Variants in USP25 observed in about 807,000 individuals in gnomAD.
USP25 encodes the protein ubiquitin specific peptidase 25.
Under a neutral mutation model 158.5 loss-of-function variants are expected in USP25, and 85 were observed. The ratio of observed to expected loss-of-function variants is 0.54; its 90% CI spans 0.45 to 0.64. The LOEUF (loss-of-function observed/expected upper bound fraction) is 0.64, where lower values mean the gene tolerates loss of function less well. USP25 is among the 30% of genes least tolerant of loss of function. USP25 has a pLI of 0.00. For synonymous variants in USP25, 464 were observed against 460.4 expected (o/e 1.01, Z -0.10); for missense variants, 1,242 against 1,327.3 (o/e 0.94, Z 1.00).
At chr21:15,730,880 C>T (rs8134327) in intron 1 of USP25, among the ~76,000 whole-genome samples, 35,279 of 151,790 alleles carry the variant, frequency 0.23, 5,563 homozygotes, top group African/African-American at 0.45. Context: ...TTACCTGCCT[C>T]GCGGGGCAGG....
chr21:15,857,205 T>A (rs1025472844), intron 20 of USP25, among the ~76,000 whole-genome samples: 3 of 152,224 alleles, frequency 2.0e-5, no homozygotes, highest in African/African-American at 7.2e-5. Flanking sequence ...GTGGAACTCT[T>A]CAGGCAGTGT....
intron 5 of USP25, among the ~76,000 whole-genome samples, chr21:15,794,032 A>G (rs1315222709): frequency 6.6e-6 from 1 of 151,566 alleles, no homozygotes; most frequent in Non-Finnish European, 1.5e-5. Context: ...ACTTACTCAA[A>G]TTGTGATGTA....
At chr21:15,848,575 T>G (rs779037271) in intron 19 of USP25, among the ~76,000 whole-genome samples, 1 of 152,072 alleles carries the variant, frequency 6.6e-6, no homozygotes, top group Non-Finnish European at 1.5e-5. Context: ...GAAAAATGCT[T>G]GTTGGATTCT....
chr21:15,809,220 A>T (rs900183153), intron 8 of USP25, among the ~76,000 whole-genome samples: 2 of 152,194 alleles, frequency 1.3e-5, no homozygotes, highest in Non-Finnish European at 2.9e-5. Flanking sequence ...GAAGACAGGG[A>T]TATGAAGTAG....
intron 1 of USP25, among the ~76,000 whole-genome samples, chr21:15,747,695 G>A (rs2032672800): frequency 6.6e-6 from 1 of 152,166 alleles, no homozygotes; most frequent in South Asian, 2.1e-4. Flanking sequence ...GTGTGGATAT[G>A]TTGGACAAAG....
Position 15,757,806 on chromosome 21 carries a change from G to A in USP25, c.46-5085G>A, listed in dbSNP as rs181517857. On this transcript the variant is annotated intron_variant, in intron 1 of 25. Transcript: ENST00000400183. Reference sequence around the variant, plus strand: ...CATGACAAAAGGAAATACATCATGTGTGAGGAAGTAAAAGTGGCAAAGAGT... The same window carrying A: ...CATGACAAAAGGAAATACATCATGTATGAGGAAGTAAAAGTGGCAAAGAGT... Among the ~76,000 whole-genome samples the A allele has an allele frequency of 5.3e-5, 8 of 152,338 alleles. No homozygotes were observed. In the East Asian group the frequency reaches 1.5e-3, roughly 29 times the overall value.
At chr21:15,793,837 G>A (rs1417192704) in intron 5 of USP25, among the ~76,000 whole-genome samples, 1 of 151,554 alleles carries the variant, frequency 6.6e-6, no homozygotes, top group Non-Finnish European at 1.5e-5. Context: ...ATTTTAAGTA[G>A]CTTTTAACTT....
intron 5 of USP25, among the ~76,000 whole-genome samples, chr21:15,793,021 G>A (rs945670720): frequency 4.6e-5 from 7 of 151,364 alleles, no homozygotes; most frequent in Admixed American, 1.3e-4. Context: ...CTTTACTTGC[G>A]CTATCTATTA....
rs1342082076 is a variant in USP25, at chr21:15,826,935, A to G, written c.1467-42A>G. ...TGGCACGATCTTTGTCAAGAGTTTC[A>G]GCTTGAAAGGTTAATAAGAAATACT... On this transcript the variant is annotated intron_variant, in intron 13 of 25. Coordinates refer to ENST00000400183, the MANE Select transcript of USP25 (RefSeq NM_001283041.3). This position sits in a 1 kb window ranked among gnomAD's most constrained non-coding sequence, Gnocchi z 4.8. The G allele has an allele frequency of 1.9e-6, 3 of 1,595,156 alleles. No homozygotes were observed. The highest frequency in any genetic ancestry group is 2.7e-5 in the African/African-American group (2 of 74,644).
chr21:15,812,334 A>C (rs942384128), intron 9 of USP25, among the ~76,000 whole-genome samples: 2 of 152,086 alleles, frequency 1.3e-5, no homozygotes, highest in African/African-American at 4.8e-5. Context: ...ATTGATTCCT[A>C]AAATTGATTG....
At chr21:15,868,170 C>T (rs1234532999) in intron 22 of USP25, among the ~76,000 whole-genome samples, 1 of 152,126 alleles carries the variant, frequency 6.6e-6, no homozygotes, top group Non-Finnish European at 1.5e-5. Flanking sequence ...GTGAAAGACT[C>T]CTGTGTAAAG....
chr21:15,808,792 C>G lies in USP25; in HGVS notation c.781-17C>G. The G allele has an allele frequency of 1.9e-6, 3 of 1,576,654 alleles. No homozygotes were observed. Among genetic ancestry groups the G allele is most frequent in the Non-Finnish European group, 2.6e-6 (3 of 1,166,528 alleles). Reference sequence around the variant, plus strand: ...TTTAGTAGGCTCAAATATCAACAGGCTTTTTTCTTTTCACAGCAAGATGTG... The same window carrying G: ...TTTAGTAGGCTCAAATATCAACAGGGTTTTTTCTTTTCACAGCAAGATGTG... On this transcript the variant is annotated splice_polypyrimidine_tract_variant and intron_variant, in intron 7 of 25. Coordinates refer to ENST00000400183, the MANE Select transcript of USP25 (RefSeq NM_001283041.3).
At chr21:15,763,546 A>G (rs1020901773) in intron 2 of USP25, among the ~76,000 whole-genome samples, 2 of 152,172 alleles carry the variant, frequency 1.3e-5, no homozygotes, top group African/African-American at 4.8e-5. Flanking sequence ...GAGTCATATC[A>G]TATGGATACT....
intron 5 of USP25, among the ~76,000 whole-genome samples, chr21:15,793,441 T>G (rs761010550): frequency 1.3e-5 from 2 of 151,284 alleles, no homozygotes; most frequent in Non-Finnish European, 3.0e-5. Context: ...CTAGCTTTTC[T>G]TTTTAGCTTA....
chr21:15,866,354 T>A lies in USP25; in HGVS notation c.2805+10T>A, dbSNP rs2039659635. On this transcript the variant is annotated intron_variant, in intron 22 of 25. Coordinates refer to ENST00000400183, the MANE Select transcript of USP25 (RefSeq NM_001283041.3). ...CTTGGAGGAATATGAGGTAATGTGCTTTCTTAGAGGTTAAACTACAGATTT... is the reference window on the plus strand; with the variant it reads ...CTTGGAGGAATATGAGGTAATGTGCATTCTTAGAGGTTAAACTACAGATTT... The A allele has an allele frequency of 6.3e-7, 1 of 1,590,410 alleles. No homozygotes were observed.
Position 15,766,239 on chromosome 21 carries a change from C to T in USP25, c.268+98C>T. 9.1e-7 allele frequency: 1 copy of T among 1,097,304 alleles called. No individual in the cohort carries two copies. The highest frequency in any genetic ancestry group is 1.2e-6 in the Non-Finnish European group (1 of 821,250). 68.0% of individuals were successfully genotyped at this position (1,097,304 alleles called of 1,614,324 possible). A position where few individuals can be genotyped will look rare whatever the true frequency, so the allele number is the denominator to read the frequency against. ...TGTTGCTTAAGGAGAGGTAAAGAAC[C>T]AAAAAAGAACTCTATTAACCTTGGT... is the stretch of plus-strand genomic sequence containing the variant. On this transcript the variant is annotated intron_variant, in intron 3 of 25. Coordinates refer to ENST00000400183, the MANE Select transcript of USP25 (RefSeq NM_001283041.3). This position sits in a 1 kb window ranked among gnomAD's most constrained non-coding sequence, Gnocchi z 4.0.
At chr21:15,775,259 T>G (rs1396598395) in intron 3 of USP25, among the ~76,000 whole-genome samples, 1 of 152,234 alleles carries the variant, frequency 6.6e-6, no homozygotes, top group Admixed American at 6.5e-5. Context: ...ATTTTTAAAT[T>G]AGTTTCGGCT....
At chr21:15,869,849 A>G (rs544673110) in intron 22 of USP25, among the ~76,000 whole-genome samples, 6 of 152,154 alleles carry the variant, frequency 3.9e-5, no homozygotes, top group Non-Finnish European at 8.8e-5. Flanking sequence ...AAAACATTTC[A>G]TATCCATGCC....
At chr21:15,837,398 C>T (rs2038106337) in intron 17 of USP25, among the ~76,000 whole-genome samples, 1 of 151,870 alleles carries the variant, frequency 6.6e-6, no homozygotes, top group African/African-American at 2.4e-5. Context: ...GCCAGCCATC[C>T]TTTGCTGTCA....
Sources: gnomAD v4.1 joint callset for allele counts (sites outside exome capture counted in the v4.1 genomes callset) on GRCh38, gnomAD v4.1.1 for gene constraint, Gnocchi (gnomAD v3.1) non-coding constraint, MANE v1.5 for transcripts, NCBI Gene and HGNC (gene_info 2026-07-23, HGNC 2026-07-21) for gene names.